Variants in MAP2K2 observed in about 807,000 individuals in gnomAD.
The protein encoded by MAP2K2 is mitogen-activated protein kinase kinase 2, also known as dual specificity mitogen-activated protein kinase kinase 2.
Under a neutral mutation model 43.7 loss-of-function variants are expected in MAP2K2, and 24 were observed. That is an observed-to-expected ratio of 0.55 (90% CI 0.40 to 0.77). The LOEUF (loss-of-function observed/expected upper bound fraction) is 0.77. MAP2K2 is among the 30% of genes least tolerant of loss of function. The pLI is 0.00. For synonymous variants in MAP2K2, 244 were observed against 239.7 expected (o/e 1.02, Z -0.17); for missense variants, 470 against 566.8 (o/e 0.83, Z 1.73).
chr19:4,110,816 A>G (rs2145070901), intron 2 of MAP2K2, among the ~76,000 whole-genome samples, 161 bp from the exon 3 acceptor site: 1 of 152,246 alleles, frequency 6.6e-6, no homozygotes, highest in East Asian at 1.9e-4. Flanking sequence ...GTGGACACAT[A>G]CGTCCACACA....
At chr19:4,102,690 C>G (rs1418431873) in intron 3 of MAP2K2, 46 of 1,145,574 alleles carry the variant, frequency 4.0e-5, no homozygotes, top group Non-Finnish European at 5.4e-5. Flanking sequence ...GCCTCCCGTC[C>G]CATCCTCGAA....
intron 1 of MAP2K2, among the ~76,000 whole-genome samples, chr19:4,122,737 T>A (rs1013102660): frequency 6.7e-6 from 1 of 148,620 alleles, no homozygotes; most frequent in Admixed American, 6.7e-5. Flanking sequence ...GACCCCACCA[T>A]CTCCCCGATT....
intron 2 of MAP2K2, 81 bp downstream of exon 2, chr19:4,117,338 G>T (rs148965154): frequency 1.5e-6 from 2 of 1,331,336 alleles, no homozygotes; most frequent in African/African-American, 1.4e-5. Flanking sequence ...GCAGAGACCC[G>T]GCTGCCTTCC....
intron 8 of MAP2K2, among the ~76,000 whole-genome samples, chr19:4,096,393 C>T (rs1296032854): frequency 6.6e-6 from 1 of 152,214 alleles, no homozygotes; most frequent in Non-Finnish European, 1.5e-5. Context: ...CAAAGGGCCA[C>T]CAAAGACACA....
chr19:4,099,463 C>G (rs778119574), intron 6 of MAP2K2, 49 bp from the exon 7 acceptor site: 5 of 1,489,236 alleles, frequency 3.4e-6, no homozygotes, highest in Non-Finnish European at 4.6e-6. Flanking sequence ...AGGATGGCAG[C>G]TGGAACCCGG....
At chr19:4,114,630 C>T (rs1171009298) in intron 2 of MAP2K2, among the ~76,000 whole-genome samples, 1 of 152,224 alleles carries the variant, frequency 6.6e-6, no homozygotes, top group African/African-American at 2.4e-5. Context: ...GCCAAAAAGA[C>T]ATTTACAAAC....
At chr19:4,103,199 C>T in intron 3 of MAP2K2, 1 of 987,708 alleles carries the variant, frequency 1.0e-6, no homozygotes, top group South Asian at 4.7e-5. Flanking sequence ...CTGTGCCGGG[C>T]ATCCTGCGGA....
chr19:4,117,562 GC>G lies in MAP2K2; in HGVS notation c.159del (p.Leu54TrpfsTer49), dbSNP rs777549760. The G allele has an allele frequency of 3.7e-6, 6 of 1,614,064 alleles. No homozygotes were observed. The Admixed American group carries it at 1.0e-4, about 27-fold the overall frequency. On this transcript the variant is annotated frameshift_variant, in exon 2 of 11. Coordinates refer to ENST00000262948, the MANE Select transcript of MAP2K2 (RefSeq NM_030662.4). LOFTEE classifies it high-confidence loss of function. ...ELELDEQQKK[R>X]LEAFLTQKAK... ...GCTTTCTGGGTGAGAAAGGCTTCCA[GC>G]CGCTTCTTCTGCTGCTCGTCAAGTT... is the stretch of plus-strand genomic sequence containing the variant.
chr19:4,116,367 TA>T (rs920809682), intron 2 of MAP2K2, among the ~76,000 whole-genome samples: 3 of 151,430 alleles, frequency 2.0e-5, no homozygotes, highest in African/African-American at 7.3e-5. Flanking sequence ...CCATCTCTAC[TA>T]AAAAAACAAA....
intron 3 of MAP2K2, among the ~76,000 whole-genome samples, chr19:4,105,687 C>G (rs1379715224): frequency 2.0e-5 from 3 of 152,124 alleles, no homozygotes; most frequent in African/African-American, 7.2e-5. Context: ...CTTCATCTCT[C>G]TCTTTCTTTC....
intron 1 of MAP2K2, among the ~76,000 whole-genome samples, chr19:4,120,287 T>G (rs1010320555): frequency 6.6e-6 from 1 of 152,188 alleles, no homozygotes; most frequent in Non-Finnish European, 1.5e-5. Flanking sequence ...GGAACATGAA[T>G]GAATGAATGA....
intron 3 of MAP2K2, 35 bp from the exon 4 acceptor site, chr19:4,102,488 C>A (rs748776010): frequency 1.2e-5 from 18 of 1,500,616 alleles, no homozygotes; most frequent in Non-Finnish European, 1.5e-5. Context: ...GCAGGCTCTG[C>A]GCAGGTGGCC....
At chr19:4,103,010 C>T in intron 3 of MAP2K2, 1 of 1,060,674 alleles carries the variant, frequency 9.4e-7, no homozygotes, top group Non-Finnish European at 1.1e-6. Context: ...CCTCGCCAAG[C>T]CCTGCGGCTC....
At chr19:4,095,197 G>A in intron 9 of MAP2K2, 191 bp downstream of exon 9, 3 of 589,034 alleles carry the variant, frequency 5.1e-6, no homozygotes, top group Non-Finnish European at 9.2e-6. Context: ...CGGACAGGAT[G>A]GCATGGCAGC....
chr19:4,092,897 C>A (rs988852802), intron 10 of MAP2K2, among the ~76,000 whole-genome samples: 2 of 151,992 alleles, frequency 1.3e-5, no homozygotes, highest in East Asian at 1.9e-4. Context: ...TTAGCAAGAC[C>A]CTGTCTCTAT....
chr19:4,097,471 G>T, intron 7 of MAP2K2, 128 bp from the exon 8 acceptor site: 1 of 714,910 alleles, frequency 1.4e-6, no homozygotes, highest in Non-Finnish European at 2.5e-6. Flanking sequence ...TTGGAGGCGG[G>T]TGTGCAGAGG....
intron 1 of MAP2K2, among the ~76,000 whole-genome samples, 175 bp from the exon 2 acceptor site, chr19:4,117,804 T>C (rs1409223189): frequency 6.6e-6 from 1 of 152,188 alleles, no homozygotes; most frequent in Non-Finnish European, 1.5e-5. Context: ...GACACACCAA[T>C]GACCAGAATC....
At chr19:4,091,379 T>A (rs1004656815) in intron 10 of MAP2K2, among the ~76,000 whole-genome samples, 2 of 151,996 alleles carry the variant, frequency 1.3e-5, no homozygotes, top group Non-Finnish European at 2.9e-5. Flanking sequence ...TTAGATGGAG[T>A]TTCACTCTTG....
rs1228560208 is a variant in MAP2K2 at position 4,115,626 on chromosome 19, A to AGGAG, written c.303+1789_303+1792dup. 6.6e-6 allele frequency among the ~76,000 whole-genome samples: 1 copy of AGGAG among 152,158 alleles called. No homozygotes were observed. The highest frequency in any genetic ancestry group is 2.4e-5 in the African/African-American group (1 of 41,444). On this transcript the variant is annotated intron_variant, in intron 2 of 10. Transcript: ENST00000262948. This position sits in a 1 kb window ranked among gnomAD's most constrained non-coding sequence, Gnocchi z 4.1. ...TAGCAAGTCCGCGGCTGCACACTTC[A>AGGAG]GGAGGGAGGGAGGGCAGCACTCTAG...
Sources: allele counts gnomAD v4.1 joint callset (sites outside exome capture counted in the v4.1 genomes callset), GRCh38; gene constraint gnomAD v4.1.1; non-coding constraint Gnocchi (gnomAD v3.1); transcripts MANE v1.5; gene names NCBI Gene and HGNC (gene_info 2026-07-23, HGNC 2026-07-21).